Variants in BIN3 observed in about 807,000 individuals in gnomAD.
The protein encoded by BIN3 is bridging integrator 3.
BIN3 carries 41 observed loss-of-function variants against 38.2 expected under a neutral mutation model. That is an observed-to-expected ratio of 1.07 (90% CI 0.84 to 1.39). The LOEUF is 1.39. BIN3 is among the 40% of genes most tolerant of loss of function. The pLI is 0.00. For synonymous variants in BIN3, 145 were observed against 122.6 expected (o/e 1.18, Z -1.21); for missense variants, 361 against 324.3 (o/e 1.11, Z -0.87).
intron 6 of BIN3, among the ~76,000 whole-genome samples, chr8:22,627,162 T>A (rs1195634808): frequency 6.6e-6 from 1 of 152,140 alleles, no homozygotes; most frequent in Non-Finnish European, 1.5e-5. Context: ...CTGGAGGTGA[T>A]TGCTGATAAA....
At chr8:22,631,877 T>C (rs913538682) in intron 4 of BIN3, among the ~76,000 whole-genome samples, 1 of 152,076 alleles carries the variant, frequency 6.6e-6, no homozygotes, top group Non-Finnish European at 1.5e-5. Flanking sequence ...CCTGAACATG[T>C]TTTCAGGCCT....
chr8:22,638,123 C>T (rs541149324), intron 2 of BIN3, among the ~76,000 whole-genome samples: 1 of 152,340 alleles, frequency 6.6e-6, no homozygotes, highest in South Asian at 2.1e-4. Flanking sequence ...GCCCTAGATC[C>T]TGACTTCTGC....
chr8:22,667,363 A>C (rs1274503600), intron 1 of BIN3, among the ~76,000 whole-genome samples: 2 of 152,222 alleles, frequency 1.3e-5, no homozygotes, highest in Non-Finnish European at 2.9e-5. Flanking sequence ...CACCCAGAGA[A>C]TCATTTACCT....
chr8:22,667,047 C>G (rs956011416), intron 1 of BIN3, among the ~76,000 whole-genome samples: 1 of 152,150 alleles, frequency 6.6e-6, no homozygotes, highest in African/African-American at 2.4e-5. Flanking sequence ...GTGCTGTTCC[C>G]GTCTTTGAGA....
chr8:22,633,851 C>T (rs931878817), intron 4 of BIN3, among the ~76,000 whole-genome samples: 10 of 152,250 alleles, frequency 6.6e-5, no homozygotes, highest in Admixed American at 4.6e-4. Context: ...ATGTGGCTGT[C>T]AGGCTCGCCT....
chr8:22,653,351 T>G (rs552448559), intron 1 of BIN3, among the ~76,000 whole-genome samples: 4 of 152,218 alleles, frequency 2.6e-5, no homozygotes, highest in Non-Finnish European at 5.9e-5. Context: ...TCACTTTTGG[T>G]ACAATTGGAA....
intron 2 of BIN3, among the ~76,000 whole-genome samples, chr8:22,637,174 C>A (rs1802395583): frequency 6.6e-6 from 1 of 152,166 alleles, no homozygotes; most frequent in African/African-American, 2.4e-5. Flanking sequence ...GCTCCCCTCC[C>A]AGAGGGTCCA....
intron 1 of BIN3, among the ~76,000 whole-genome samples, chr8:22,651,707 G>GT (rs1802898932): frequency 6.6e-6 from 1 of 152,006 alleles, no homozygotes; most frequent in African/African-American, 2.4e-5. Context: ...TATATAACCT[G>GT]TTTTTTATTT....
At chr8:22,643,109 C>A (rs1034895201) in intron 2 of BIN3, among the ~76,000 whole-genome samples, 1 of 152,186 alleles carries the variant, frequency 6.6e-6, no homozygotes, top group Non-Finnish European at 1.5e-5. Flanking sequence ...AATAAAAGAA[C>A]CCTCTTGAAA....
intron 1 of BIN3, among the ~76,000 whole-genome samples, chr8:22,657,876 A>C (rs1261985350): frequency 3.3e-5 from 5 of 152,346 alleles, no homozygotes; most frequent in African/African-American, 1.2e-4. Context: ...CAACAGCGAC[A>C]GTGTCACAGC....
At chr8:22,643,205 A>G (rs896383498) in intron 2 of BIN3, among the ~76,000 whole-genome samples, 2 of 152,154 alleles carry the variant, frequency 1.3e-5, no homozygotes, top group African/African-American at 4.8e-5. Flanking sequence ...CTAGAGACCA[A>G]CATATGCACA....
At position 22,621,366 on chromosome 8, in the gene BIN3, G is replaced by C. The variant is rs1400815490; in HGVS notation, c.*56C>G. The C allele has an allele frequency of 3.2e-6, 5 of 1,568,796 alleles. No individual in the cohort carries two copies. On this transcript the variant is annotated 3_prime_UTR_variant, in exon 9 of 9. Coordinates refer to ENST00000276416, the MANE Select transcript of BIN3 (RefSeq NM_018688.6). ...GAGAGGAGCAGCTAGCCCTGAGAAG[G>C]GCAAGGATGAATGAGGCTGACCACG...
At chr8:22,637,002 A>T in intron 2 of BIN3, 40 bp from the exon 3 acceptor site, 2 of 1,597,142 alleles carry the variant, frequency 1.3e-6, no homozygotes, top group South Asian at 1.1e-5. Flanking sequence ...GAGAAATGAC[A>T]ACACGGTGGA....
At chr8:22,650,081 T>C (rs1325905134) in intron 1 of BIN3, among the ~76,000 whole-genome samples, 22 of 152,190 alleles carry the variant, frequency 1.4e-4, no homozygotes, top group Admixed American at 1.4e-3. Context: ...ACTCGTTTTA[T>C]TTCTGTAACC....
At chr8:22,626,582 T>A (rs1381273745) in intron 6 of BIN3, 1 of 152,362 alleles carries the variant, frequency 6.6e-6, no homozygotes, top group Non-Finnish European at 1.5e-5. Flanking sequence ...GCCTGGGCCT[T>A]GTGGGTGCCT....
At chr8:22,623,537 G>A (rs1801909448) in intron 8 of BIN3, among the ~76,000 whole-genome samples, 1 of 152,202 alleles carries the variant, frequency 6.6e-6, no homozygotes. Flanking sequence ...CCTCAGAAAA[G>A]GCCTCCATTC....
At chr8:22,649,730 AC>A (rs1426911835) in intron 1 of BIN3, among the ~76,000 whole-genome samples, 11 of 152,016 alleles carry the variant, frequency 7.2e-5, no homozygotes, top group South Asian at 6.2e-4. Context: ...AAACAAAAAA[AC>A]ACCCTTGTTT....
At chr8:22,627,784 G>A (rs1285441545) in intron 6 of BIN3, among the ~76,000 whole-genome samples, 1 of 152,218 alleles carries the variant, frequency 6.6e-6, no homozygotes, top group Non-Finnish European at 1.5e-5. Context: ...CCGAGGCCAG[G>A]TGGGGGCAGG....
intron 1 of BIN3, among the ~76,000 whole-genome samples, chr8:22,666,955 G>C (rs1481017970): frequency 6.6e-6 from 1 of 152,174 alleles, no homozygotes; most frequent in Non-Finnish European, 1.5e-5. Context: ...ACCACTCAGG[G>C]AGTGAATCAG....
Sources: gnomAD v4.1 joint callset for allele counts (sites outside exome capture counted in the v4.1 genomes callset) on GRCh38, gnomAD v4.1.1 for gene constraint, MANE v1.5 for transcripts, NCBI Gene and HGNC (gene_info 2026-07-23, HGNC 2026-07-21) for gene names.